Variants in ANKRD36 observed in about 807,000 individuals in gnomAD.
The protein encoded by ANKRD36 is ankyrin repeat domain 36.
A neutral mutation model predicts 278.1 loss-of-function variants in ANKRD36; 179 were observed. The observed-to-expected ratio is 0.64, with a 90% CI of 0.57 to 0.73. ANKRD36 has a LOEUF of 0.73. Among genes scored for constraint, ANKRD36 ranks in the 30% least tolerant of loss-of-function variants. The probability of loss-of-function intolerance (pLI) is 0.00; values close to 1 mark genes in which losing one functional copy is unlikely to be tolerated. For missense variants in ANKRD36, 1,159 were observed against 1,956.7 expected (o/e 0.59, Z 7.69); for synonymous variants, 320 against 641.1 (o/e 0.50, Z 7.57).
intron 66 of ANKRD36, among the ~76,000 whole-genome samples, chr2:97,220,693 A>T (rs1184159065): frequency 6.9e-6 from 1 of 145,160 alleles, no homozygotes; most frequent in African/African-American, 2.6e-5. Context: ...TAAACATGTC[A>T]GGACAGATTT....
intron 46 of ANKRD36, among the ~76,000 whole-genome samples, chr2:97,200,834 AAGGAGAAAG>A (rs1261366917): frequency 6.6e-6 from 1 of 151,886 alleles, no homozygotes; most frequent in Non-Finnish European, 1.5e-5. Context: ...TTAAGGGTGT[AAGGAGAAAG>A]AGAGGAAGTA....
At chr2:97,187,109 G>A (rs1361264297) in intron 30 of ANKRD36, 89 bp from the exon 31 acceptor site, 20 of 1,580,930 alleles carry the variant, frequency 1.3e-5, no homozygotes, top group African/African-American at 9.5e-5. Flanking sequence ...ACAGGCAGGC[G>A]GATACAGCTT....
At chr2:97,173,256 T>C (rs1033687272) in intron 22 of ANKRD36, among the ~76,000 whole-genome samples, 1 of 151,412 alleles carries the variant, frequency 6.6e-6, no homozygotes, top group Non-Finnish European at 1.5e-5. Flanking sequence ...AAAGTGTTCA[T>C]ATCCTGGAAA....
At chr2:97,130,543 A>G (rs1211512813) in intron 6 of ANKRD36, among the ~76,000 whole-genome samples, 6 of 151,926 alleles carry the variant, frequency 3.9e-5, no homozygotes, top group East Asian at 3.9e-4. Flanking sequence ...ACATGTATAC[A>G]TATGTAACAA....
chr2:97,229,685 G>A (rs1390450183), intron 67 of ANKRD36, among the ~76,000 whole-genome samples: 1 of 151,942 alleles, frequency 6.6e-6, no homozygotes, highest in Non-Finnish European at 1.5e-5. Context: ...GCATTATGAT[G>A]TTAGCTAGTT....
intron 62 of ANKRD36, chr2:97,215,839 T>C (rs1038840904): frequency 2.5e-5 from 15 of 599,852 alleles, no homozygotes; most frequent in African/African-American, 2.4e-4. Context: ...ATAGATATTA[T>C]AGGCGTCAGA....
chr2:97,187,220 C>T lies in ANKRD36; in HGVS notation c.2064C>T (p.Ala688=), dbSNP rs1403902640. The T allele has an allele frequency of 1.2e-6, 2 of 1,609,786 alleles. No individual in the cohort carries two copies. Among genetic ancestry groups the T allele is most frequent in the East Asian group, 2.2e-5 (1 of 44,752 alleles). Residue 688 remains alanine, a synonymous_variant, in exon 31 of 76, where the codon GCC becomes GCT. Transcript: ENST00000420699. ...CGTVSSQKQP[A]LKATTDEEDS... is the part of the protein sequence containing the mutation. ...CAGTGTCTTCTCAGAAACAACCAGCCTTGAAGGTAATTAAACTCTCATTTA... is the reference window on the plus strand; with the variant it reads ...CAGTGTCTTCTCAGAAACAACCAGCTTTGAAGGTAATTAAACTCTCATTTA...
At position 97,202,060 on chromosome 2, in the gene ANKRD36, G is replaced by T. The variant is rs1323171474; in HGVS notation, c.2858-142G>T. 3 of 1,510,548 alleles carry T rather than the reference G, an allele frequency of 2.0e-6. No homozygotes were observed. The African/African-American group carries it at 4.2e-5, about 21-fold the overall frequency. 93.6% of individuals were successfully genotyped at this position (1,510,548 alleles called of 1,614,324 possible). On this transcript the variant is annotated intron_variant, in intron 46 of 75. Coordinates refer to ENST00000420699, the MANE Select transcript of ANKRD36 (RefSeq NM_001354587.1). ...CTCAGTGTATTTCTGTCACGTTCTA[G>T]TCCCCAGACACAAAGTAGAAGCCAT...
chr2:97,227,751 A>C (rs932412962), intron 67 of ANKRD36, among the ~76,000 whole-genome samples: 8 of 152,116 alleles, frequency 5.3e-5, no homozygotes, highest in Non-Finnish European at 8.8e-5. Context: ...TTGCCCATTC[A>C]GTATGATATT....
intron 64 of ANKRD36, among the ~76,000 whole-genome samples, chr2:97,218,618 G>T (rs2066566027): frequency 6.6e-6 from 1 of 152,012 alleles, no homozygotes; most frequent in Non-Finnish European, 1.5e-5. Context: ...TATCAGACAA[G>T]CTATAGAGCA....
At chr2:97,155,624 A>G (rs1441147995) in intron 15 of ANKRD36, among the ~76,000 whole-genome samples, 1 of 146,288 alleles carries the variant, frequency 6.8e-6, no homozygotes, top group African/African-American at 2.4e-5. Flanking sequence ...GACTCTTCAT[A>G]TTTCTATGAT....
intron 46 of ANKRD36, 102 bp downstream of exon 46, chr2:97,200,627 T>C (rs1223550692): frequency 4.0e-6 from 6 of 1,496,760 alleles, no homozygotes; most frequent in Non-Finnish European, 5.4e-6. Context: ...ACGTTCTGAT[T>C]CACCAAGCTT....
At chr2:97,179,534 A>G (rs2055492862) in intron 22 of ANKRD36, among the ~76,000 whole-genome samples, 1 of 151,540 alleles carries the variant, frequency 6.6e-6, no homozygotes, top group Admixed American at 6.6e-5. Context: ...TTGTCAGTGT[A>G]TATTTCTTGA....
chr2:97,191,326 G>C, intron 36 of ANKRD36, 145 bp downstream of exon 36: 1 of 1,022,874 alleles, frequency 9.8e-7, no homozygotes, highest in Non-Finnish European at 1.4e-6. Context: ...TAAGTTCTTG[G>C]GTGATGGTGA....
intron 26 of ANKRD36, among the ~76,000 whole-genome samples, chr2:97,182,619 T>A (rs1037057229): frequency 3.3e-5 from 5 of 150,692 alleles, no homozygotes; most frequent in Non-Finnish European, 7.4e-5. Context: ...GAAAAAAAAA[T>A]TAATGGTGAA....
intron 62 of ANKRD36, 40 bp from the exon 63 acceptor site, chr2:97,217,137 A>G (rs552263014): frequency 2.0e-6 from 3 of 1,537,550 alleles, no homozygotes; most frequent in Admixed American, 2.0e-5. Context: ...ACTTTGTCAT[A>G]TTTACATATG....
intron 6 of ANKRD36, among the ~76,000 whole-genome samples, chr2:97,131,178 A>C (rs942544072): frequency 6.6e-6 from 1 of 151,206 alleles, no homozygotes; most frequent in Non-Finnish European, 1.5e-5. Context: ...TTAACCATTT[A>C]TATATAAGTT....
chr2:97,180,479 C>G (rs2153541194), intron 24 of ANKRD36, among the ~76,000 whole-genome samples: 1 of 151,610 alleles, frequency 6.6e-6, no homozygotes, highest in East Asian at 2.0e-4. Context: ...GAACTCATTT[C>G]AGATGCATTT....
intron 52 of ANKRD36, 122 bp downstream of exon 52, chr2:97,206,257 C>A: frequency 8.6e-7 from 1 of 1,168,420 alleles, no homozygotes; most frequent in Non-Finnish European, 1.2e-6. Context: ...GCCGGAGATT[C>A]TTCATTTGTA....
Sources: allele counts gnomAD v4.1 joint callset (sites outside exome capture counted in the v4.1 genomes callset), GRCh38; gene constraint gnomAD v4.1.1; transcripts MANE v1.5; gene names NCBI Gene and HGNC (gene_info 2026-07-23, HGNC 2026-07-21).